The following SHANK2 variants were observed in gnomAD, a reference collection of about 807,000 sequenced individuals.
The protein encoded by SHANK2 is SH3 and multiple ankyrin repeat domains protein 2.
In SHANK2, 43 loss-of-function variants were observed where a neutral mutation model predicts 133.7. The ratio of observed to expected loss-of-function variants is 0.32; its 90% CI spans 0.25 to 0.41. SHANK2 has a LOEUF of 0.41. SHANK2 is among the 10% of genes least tolerant of loss of function. The pLI, the probability that SHANK2 is intolerant of heterozygous loss-of-function variation, is 1.00. For missense variants in SHANK2, 1,994 were observed against 2,235.8 expected (o/e 0.89, Z 2.18); for synonymous variants, 1,017 against 952.8 (o/e 1.07, Z -1.24).
Position 70,492,426 on chromosome 11 carries a change from C to A in SHANK2, c.2348G>T (p.Arg783Leu). The change falls in exon 22 of 26, where the codon CGC (arginine) becomes CTC (leucine). Residue 783 changes from arginine to leucine, a missense_variant. By Grantham distance (102) the Arg-to-Leu change is moderately radical. Around this residue, in one of 5 missense-constraint regions of SHANK2, gnomAD observed 488 missense variants for 642.6 expected, o/e 0.76. Transcript: ENST00000601538. ...EEIVPASKPS[R>L]AAENMAVEPR... ...TTCCACAGCCATGTTCTCAGCAGCGCGGGAGGGCTTGGAGGCCGGGACTAT... is the reference window on the plus strand; with the variant it reads ...TTCCACAGCCATGTTCTCAGCAGCGAGGGAGGGCTTGGAGGCCGGGACTAT... 6.2e-7 allele frequency: 1 copy of A among 1,613,910 alleles called. No individual in the cohort carries two copies. The highest frequency in any genetic ancestry group is 8.5e-7 in the Non-Finnish European group (1 of 1,180,030).
At chr11:70,916,514 C>T (rs780791685) in intron 10 of SHANK2, among the ~76,000 whole-genome samples, 9 of 152,198 alleles carry the variant, frequency 5.9e-5, no homozygotes, top group Non-Finnish European at 1.3e-4. Flanking sequence ...TGTACACACA[C>T]ACACAGCTGC....
At chr11:70,540,365 C>T (rs887594256) in intron 17 of SHANK2, among the ~76,000 whole-genome samples, 1 of 113,836 alleles carries the variant, frequency 8.8e-6, no homozygotes, top group African/African-American at 3.8e-5. Flanking sequence ...GAAACCCAGG[C>T]AGGCTGGGGC....
intron 15 of SHANK2, 81 bp downstream of exon 15, chr11:70,698,607 T>C: frequency 1.4e-6 from 1 of 716,474 alleles, no homozygotes; most frequent in Non-Finnish European, 2.6e-6. Context: ...GAAAGCTGCA[T>C]GCAAGATGGT....
At chr11:70,873,114 T>A in intron 11 of SHANK2, 1 of 471,186 alleles carries the variant, frequency 2.1e-6, no homozygotes, top group Non-Finnish European at 4.4e-6. Context: ...GCCCTGCAGT[T>A]TATAGAATGA....
chr11:70,859,492 T>C (rs1949224371), intron 11 of SHANK2, among the ~76,000 whole-genome samples: 1 of 151,720 alleles, frequency 6.6e-6, no homozygotes. Flanking sequence ...GGTGAATGGA[T>C]GCATGGAAAG....
At chr11:71,161,434 C>T (rs1953015035) in intron 2 of SHANK2, among the ~76,000 whole-genome samples, 2 of 152,200 alleles carry the variant, frequency 1.3e-5, no homozygotes, top group South Asian at 4.1e-4. Context: ...GAGAGATTAA[C>T]TAAGAGCCTG....
intron 14 of SHANK2, among the ~76,000 whole-genome samples, chr11:70,757,969 G>A (rs1291220702): frequency 1.3e-5 from 2 of 152,180 alleles, no homozygotes; most frequent in Non-Finnish European, 2.9e-5. Context: ...CTGGAGGTGA[G>A]AGACAGAACT....
chr11:70,879,136 T>TTGGGGACCAGAATCCCATGAA lies in SHANK2; in HGVS notation c.1174+17344_1174+17364dup, dbSNP rs1165771308. The stretch of plus-strand genomic sequence containing the variant: ...ATCTGGCACCTGGATCCACGGAGAA[T>TTGGGGACCAGAATCCCATGAA]TGGGGACCAGAATCCCATGAACTGC... On this transcript the variant is annotated intron_variant, in intron 11 of 25. Transcript: ENST00000601538. Among the ~76,000 whole-genome samples the TTGGGGACCAGAATCCCATGAA allele has an allele frequency of 5.8e-4, 88 of 152,286 alleles. 3 individuals carry two copies. The highest frequency in any genetic ancestry group is 2.9e-3 in the Admixed American group (44 of 15,302).
intron 17 of SHANK2, among the ~76,000 whole-genome samples, chr11:70,550,339 A>T (rs1286839705): frequency 1.3e-5 from 2 of 152,080 alleles, no homozygotes; most frequent in African/African-American, 4.8e-5. Context: ...GCAGGAGCAC[A>T]GCTGGTCTTG....
At chr11:70,488,018 C>T (rs868921552) in intron 24 of SHANK2, among the ~76,000 whole-genome samples, 1 of 152,210 alleles carries the variant, frequency 6.6e-6, no homozygotes, top group Non-Finnish European at 1.5e-5. Flanking sequence ...CAGGAGGGCC[C>T]CTGACGCTGA....
At chr11:70,688,048 C>T (rs1945194618) in intron 15 of SHANK2, among the ~76,000 whole-genome samples, 1 of 152,208 alleles carries the variant, frequency 6.6e-6, no homozygotes, top group Non-Finnish European at 1.5e-5. Context: ...CCAGACCTTC[C>T]TGCCTGGCCC....
chr11:71,180,906 C>T (rs868957831), intron 2 of SHANK2, among the ~76,000 whole-genome samples: 3 of 152,020 alleles, frequency 2.0e-5, no homozygotes, highest in Admixed American at 2.0e-4. Flanking sequence ...GGCACAGCCC[C>T]GTCCGGCTGT....
At chr11:71,091,008 C>A (rs1951509295) in intron 8 of SHANK2, among the ~76,000 whole-genome samples, 1 of 151,670 alleles carries the variant, frequency 6.6e-6, no homozygotes, top group Non-Finnish European at 1.5e-5. Context: ...TTAAAAAACA[C>A]CTTCTCAGCA....
Position 70,692,757 on chromosome 11 carries a change from A to G in SHANK2, c.1853+5931T>C, listed in dbSNP as rs561725831. Among the ~76,000 whole-genome samples the G allele has an allele frequency of 2.6e-5, 4 of 152,326 alleles. No homozygotes were observed. The South Asian group carries it at 8.3e-4, about 32-fold the overall frequency. Reference sequence around the variant, plus strand: ...CTTATTACTGATTTAGAAAAGATAAAAATTGGGCTGTGAGGCTCGAAAGCC... The same window carrying G: ...CTTATTACTGATTTAGAAAAGATAAGAATTGGGCTGTGAGGCTCGAAAGCC... On this transcript the variant is annotated intron_variant, in intron 15 of 25. Coordinates refer to ENST00000601538, the MANE Select transcript of SHANK2 (RefSeq NM_012309.5).
intron 17 of SHANK2, among the ~76,000 whole-genome samples, chr11:70,585,230 G>A (rs1166531016): frequency 6.6e-6 from 1 of 152,252 alleles, no homozygotes; most frequent in Non-Finnish European, 1.5e-5. Flanking sequence ...TGGCTGGCAG[G>A]GGCTAAAGCC....
rs1408028836 is a variant in SHANK2, at chr11:70,901,842, G to A, written c.1108-5275C>T. Among the ~76,000 whole-genome samples, 7 of 152,214 alleles carry A rather than the reference G, an allele frequency of 4.6e-5. No homozygotes were observed. In the East Asian group the frequency reaches 9.6e-4, roughly 21 times the overall value. On this transcript the variant is annotated intron_variant, in intron 10 of 25. Coordinates refer to ENST00000601538, the MANE Select transcript of SHANK2 (RefSeq NM_012309.5). Reference sequence around the variant, plus strand: ...TCAGACGTGGTGAATGTGGCAGCAAGACAGGCAAGATGGATGTGTGGTGGG... The same window carrying A: ...TCAGACGTGGTGAATGTGGCAGCAAAACAGGCAAGATGGATGTGTGGTGGG...
At chr11:70,781,576 A>G (rs1451118462) in intron 14 of SHANK2, among the ~76,000 whole-genome samples, 4 of 122,006 alleles carry the variant, frequency 3.3e-5, no homozygotes, top group African/African-American at 9.2e-5. Flanking sequence ...ATATATATAT[A>G]TATATATTTA....
At chr11:70,622,848 G>A (rs1294830626) in intron 17 of SHANK2, among the ~76,000 whole-genome samples, 8 of 151,950 alleles carry the variant, frequency 5.3e-5, no homozygotes, top group Admixed American at 3.9e-4. Context: ...ACTGCTCCCT[G>A]CCACAAACCC....
At chr11:70,931,754 A>T (rs1167890617) in intron 10 of SHANK2, among the ~76,000 whole-genome samples, 1 of 152,258 alleles carries the variant, frequency 6.6e-6, no homozygotes, top group Admixed American at 6.5e-5. Flanking sequence ...CCAAGCGTCT[A>T]TCACAGCAAT....
Sources: gnomAD v4.1 joint callset for allele counts (sites outside exome capture counted in the v4.1 genomes callset) on GRCh38, gnomAD v4.1.1 for gene constraint, gnomAD v4.1.1 regional missense constraint, MANE v1.5 for transcripts, NCBI Gene and HGNC (gene_info 2026-07-23, HGNC 2026-07-21) for gene names.